DLGAP2: variants seen among roughly 807,000 people sequenced by gnomAD.
The protein encoded by DLGAP2 is disks large-associated protein 2.
A neutral mutation model predicts 100.3 loss-of-function variants in DLGAP2; 26 were observed. That is an observed-to-expected ratio of 0.26 (90% CI 0.19 to 0.36). The LOEUF (loss-of-function observed/expected upper bound fraction) is 0.36, where lower values mean the gene tolerates loss of function less well. DLGAP2 is among the 10% of genes least tolerant of loss of function. The pLI is 1.00. For synonymous variants in DLGAP2, 886 were observed against 630.1 expected (o/e 1.41, Z -6.08); for missense variants, 1,858 against 1,453.2 (o/e 1.28, Z -4.53).
At chr8:1,176,658 G>T (rs1797265933) in intron 2 of DLGAP2, among the ~76,000 whole-genome samples, 1 of 152,180 alleles carries the variant, frequency 6.6e-6, no homozygotes. Context: ...TGGGCGAGAG[G>T]GCAGGAAGGT....
At chr8:892,351 C>A (rs374298158) in intron 1 of DLGAP2, among the ~76,000 whole-genome samples, 11 of 152,044 alleles carry the variant, frequency 7.2e-5, no homozygotes, top group Non-Finnish European at 1.5e-4. Context: ...TCCACACAGC[C>A]GAACATGAGT....
intron 2 of DLGAP2, among the ~76,000 whole-genome samples, chr8:1,162,191 G>A (rs1210269230): frequency 6.6e-6 from 1 of 152,234 alleles, no homozygotes; most frequent in Non-Finnish European, 1.5e-5. Flanking sequence ...ACTCGGAGGC[G>A]AGGGAGGCGG....
At chr8:1,647,733 C>G (rs1798075543) in intron 8 of DLGAP2, among the ~76,000 whole-genome samples, 1 of 152,122 alleles carries the variant, frequency 6.6e-6, no homozygotes, top group Non-Finnish European at 1.5e-5. Flanking sequence ...TGCCGGGTCT[C>G]TCTCTCATTG....
intron 2 of DLGAP2, among the ~76,000 whole-genome samples, chr8:1,051,435 C>T (rs944734028): frequency 6.6e-6 from 1 of 152,098 alleles, no homozygotes; most frequent in African/African-American, 2.4e-5. Context: ...TGATCCAATA[C>T]CGTCAGCACG....
At chr8:1,115,035 T>G (rs1805074033) in intron 2 of DLGAP2, among the ~76,000 whole-genome samples, 1 of 152,246 alleles carries the variant, frequency 6.6e-6, no homozygotes. Context: ...ACTTCTACTT[T>G]TATTGTGCTG....
chr8:789,231 G>T (rs1236961857), intron 1 of DLGAP2, among the ~76,000 whole-genome samples: 1 of 152,208 alleles, frequency 6.6e-6, no homozygotes, highest in Non-Finnish European at 1.5e-5. Flanking sequence ...GAAGAAAGGA[G>T]GTTTAATTGG....
intron 3 of DLGAP2, among the ~76,000 whole-genome samples, chr8:1,361,520 T>A (rs946539296): frequency 6.6e-6 from 1 of 152,224 alleles, no homozygotes; most frequent in African/African-American, 2.4e-5. Context: ...GTGCTGAGAA[T>A]TGCATAAACA....
At chr8:848,062 C>T (rs1797103321) in intron 1 of DLGAP2, among the ~76,000 whole-genome samples, 2 of 152,124 alleles carry the variant, frequency 1.3e-5, no homozygotes, top group South Asian at 2.1e-4. Flanking sequence ...TTTCCTGTTG[C>T]CCTGCTCCCA....
At chr8:1,259,796 C>G (rs1214887270) in intron 3 of DLGAP2, 1 of 151,996 alleles carries the variant, frequency 6.6e-6, no homozygotes, top group Non-Finnish European at 1.5e-5. Flanking sequence ...ATTTAAAACA[C>G]AAAAATGAAA....
At chr8:1,084,905 G>A (rs972061023) in intron 2 of DLGAP2, among the ~76,000 whole-genome samples, 8 of 152,206 alleles carry the variant, frequency 5.3e-5, no homozygotes, top group African/African-American at 1.9e-4. Context: ...AAGTGGGACT[G>A]CTGGATCATT....
At chr8:791,970 G>A (rs1001947269) in intron 1 of DLGAP2, among the ~76,000 whole-genome samples, 1 of 152,170 alleles carries the variant, frequency 6.6e-6, no homozygotes, top group African/African-American at 2.4e-5. Flanking sequence ...ACATAATCAC[G>A]GTGCAGCTGT....
Position 1,565,777 on chromosome 8 carries a change from T to C in DLGAP2, c.1325T>C (p.Met442Thr). 6.2e-7 allele frequency: 1 copy of C among 1,613,858 alleles called. No individual in the cohort carries two copies. The highest frequency in any genetic ancestry group is 2.2e-5 in the East Asian group (1 of 44,868). ...AGAAGTGGGAGTTACATTAAAGCCATGGGGGACGAGGAGAGCGGAGAGTCA... is the reference window on the plus strand; with the variant it reads ...AGAAGTGGGAGTTACATTAAAGCCACGGGGGACGAGGAGAGCGGAGAGTCA... The part of the protein sequence containing the change: ...RMRSGSYIKA[M>T]GDEESGESDS... The change falls in exon 6 of 15, where the codon ATG becomes ACG. Residue 442 changes from methionine (M) to threonine (T), a missense_variant. Physicochemically the swap from Met to Thr is moderately conservative, Grantham distance 81. Coordinates refer to ENST00000637795, the MANE Select transcript of DLGAP2 (RefSeq NM_001346810.2).
chr8:1,483,865 A>C (rs1224636701), intron 3 of DLGAP2, among the ~76,000 whole-genome samples: 1 of 152,216 alleles, frequency 6.6e-6, no homozygotes, highest in African/African-American at 2.4e-5. Flanking sequence ...ACAATTGTTC[A>C]TTGATTAGTG....
chr8:1,444,020 C>T (rs1253496840), intron 3 of DLGAP2, among the ~76,000 whole-genome samples: 1 of 152,174 alleles, frequency 6.6e-6, no homozygotes, highest in Non-Finnish European at 1.5e-5. Flanking sequence ...TTCCAGTGTT[C>T]ATGATCATTG....
At chr8:1,415,734 C>A (rs1025468099) in intron 3 of DLGAP2, among the ~76,000 whole-genome samples, 19 of 152,312 alleles carry the variant, frequency 1.2e-4, no homozygotes, top group African/African-American at 3.8e-4. Flanking sequence ...TGGGTTGCTT[C>A]CATGTTTTTG....
intron 3 of DLGAP2, among the ~76,000 whole-genome samples, chr8:1,320,461 C>T (rs1800869178): frequency 6.6e-6 from 1 of 152,088 alleles, no homozygotes; most frequent in African/African-American, 2.4e-5. Flanking sequence ...TGTCTGTCTG[C>T]CGAGGCTGGG....
intron 3 of DLGAP2, among the ~76,000 whole-genome samples, chr8:1,390,532 C>T (rs1359913161): frequency 6.6e-6 from 1 of 152,172 alleles, no homozygotes; most frequent in East Asian, 1.9e-4. Context: ...TAGAAAATGA[C>T]AATCTGTCGA....
At chr8:856,659 A>G (rs919591181) in intron 1 of DLGAP2, among the ~76,000 whole-genome samples, 1 of 152,230 alleles carries the variant, frequency 6.6e-6, no homozygotes, top group Non-Finnish European at 1.5e-5. Flanking sequence ...TGCTTAAGTA[A>G]AAGTTGAACA....
At position 1,696,574 on chromosome 8, in the gene DLGAP2, G is replaced by A. The variant is rs897125013; in HGVS notation, c.2797-573G>A. ...GGCACTGGGCAGAGAAACCAAGCAC[G>A]TCTCTGGGCCACTCGGCCCAGGGCT... On this transcript the variant is annotated intron_variant, in intron 13 of 14. Coordinates refer to ENST00000637795, the MANE Select transcript of DLGAP2 (RefSeq NM_001346810.2). 5.3e-5 allele frequency among the ~76,000 whole-genome samples: 8 copies of A among 152,334 alleles called. No individual in the cohort carries two copies. In the South Asian group the frequency reaches 6.2e-4, roughly 12 times the overall value.
Sources: gnomAD v4.1 joint callset for allele counts (sites outside exome capture counted in the v4.1 genomes callset) on GRCh38, gnomAD v4.1.1 for gene constraint, MANE v1.5 for transcripts, NCBI Gene and HGNC (gene_info 2026-07-23, HGNC 2026-07-21) for gene names.